Variants in TNR observed in about 807,000 individuals in gnomAD.
TNR encodes tenascin R, also known as tenascin-R.
In TNR, 45 loss-of-function variants were observed where a neutral mutation model predicts 150.4. The observed-to-expected ratio is 0.30, with a 90% CI of 0.24 to 0.38. The LOEUF (loss-of-function observed/expected upper bound fraction) is 0.38. Ranked by LOEUF, TNR falls within the 10% of genes least tolerant of loss-of-function variation. The pLI, the probability that TNR is intolerant of heterozygous loss-of-function variation, is 1.00. For missense variants in TNR, 1,544 were observed against 1,759.1 expected (o/e 0.88, Z 2.19); for synonymous variants, 687 against 678.4 (o/e 1.01, Z -0.20).
intron 2 of TNR, among the ~76,000 whole-genome samples, chr1:175,443,793 G>C (rs1305888665): frequency 1.3e-5 from 2 of 152,196 alleles, no homozygotes; most frequent in Non-Finnish European, 2.9e-5. Flanking sequence ...AATGCAAAAA[G>C]ATGGATTGTG....
At chr1:175,558,564 C>T (rs1661286628) in intron 1 of TNR, among the ~76,000 whole-genome samples, 1 of 152,168 alleles carries the variant, frequency 6.6e-6, no homozygotes, top group Admixed American at 6.5e-5. Flanking sequence ...CTATGACATA[C>T]TGCTCCAATC....
At chr1:175,378,095 G>A (rs778124750) in intron 9 of TNR, among the ~76,000 whole-genome samples, 47 of 152,192 alleles carry the variant, frequency 3.1e-4, no homozygotes, top group Non-Finnish European at 6.2e-4. Context: ...TCCAGCAGCA[G>A]CCTCCTAACC....
At chr1:175,532,095 A>T (rs2102180110) in intron 1 of TNR, among the ~76,000 whole-genome samples, 1 of 152,344 alleles carries the variant, frequency 6.6e-6, no homozygotes, top group East Asian at 1.9e-4. Flanking sequence ...TCACAGTAAC[A>T]GTTCTTTTTG....
chr1:175,685,391 A>T (rs921310656), intron 1 of TNR, among the ~76,000 whole-genome samples: 2 of 152,080 alleles, frequency 1.3e-5, no homozygotes, highest in African/African-American at 4.8e-5. Flanking sequence ...CTCATTGCAC[A>T]CTGCTGTCAG....
At chr1:175,331,099 TTCTCTC>T (rs202149296) in intron 20 of TNR, among the ~76,000 whole-genome samples, 1 of 106,428 alleles carries the variant, frequency 9.4e-6, no homozygotes, top group Non-Finnish European at 2.0e-5. Flanking sequence ...CTTTCTTTCT[TTCTCTC>T]TCTCTTTCTT....
intron 1 of TNR, among the ~76,000 whole-genome samples, chr1:175,537,156 G>T (rs1376933265): frequency 6.6e-6 from 1 of 152,210 alleles, no homozygotes; most frequent in South Asian, 2.1e-4. Flanking sequence ...GCACCCCTTG[G>T]AGAGCACTTA....
intron 2 of TNR, among the ~76,000 whole-genome samples, chr1:175,477,988 C>A (rs1408817706): frequency 6.6e-5 from 10 of 152,314 alleles, no homozygotes; most frequent in African/African-American, 2.4e-4. Context: ...TTCTGGGTGG[C>A]TCACTGCCTA....
intron 1 of TNR, among the ~76,000 whole-genome samples, chr1:175,712,908 A>G (rs1016532236): frequency 2.0e-5 from 3 of 152,314 alleles, no homozygotes; most frequent in African/African-American, 7.2e-5. Flanking sequence ...AAGAATGGCT[A>G]GTACAGGGAC....
chr1:175,403,561 G>C lies in TNR; in HGVS notation c.555C>G (p.Ser185=). The change falls in exon 4 of 23, where the codon TCC becomes TCG. Residue 185 remains serine (S), a synonymous_variant. Coordinates refer to ENST00000367674, the MANE Select transcript of TNR (RefSeq NM_003285.3). ...CSGHGNFSFE[S]CGCICNEGWF... The stretch of plus-strand genomic sequence containing the variant: ...AGCCTTCGTTGCAGATGCAGCCACA[G>C]GACTCAAAGCTAAAGTTGCCGTGGC... The C allele has an allele frequency of 1.2e-6, 2 of 1,614,168 alleles. No homozygotes were observed.
intron 7 of TNR, among the ~76,000 whole-genome samples, chr1:175,389,603 C>T (rs1000720365): frequency 2.6e-5 from 4 of 152,206 alleles, no homozygotes; most frequent in Non-Finnish European, 4.4e-5. Flanking sequence ...CAGACAATTT[C>T]CCCCAGGTCT....
At chr1:175,471,795 G>A (rs1298389352) in intron 2 of TNR, among the ~76,000 whole-genome samples, 2 of 152,010 alleles carry the variant, frequency 1.3e-5, no homozygotes, top group Non-Finnish European at 2.9e-5. Flanking sequence ...TTAGTTTACT[G>A]TAACATTTTT....
intron 1 of TNR, among the ~76,000 whole-genome samples, chr1:175,732,451 C>T (rs1667669827): frequency 6.6e-6 from 1 of 152,222 alleles, no homozygotes; most frequent in South Asian, 2.1e-4. Flanking sequence ...GGATTCTTTT[C>T]TCATCTTGAG....
chr1:175,548,855 C>T (rs1255545475), intron 1 of TNR, among the ~76,000 whole-genome samples: 1 of 152,186 alleles, frequency 6.6e-6, no homozygotes, highest in Admixed American at 6.5e-5. Context: ...GAGCAACACT[C>T]CCAATCACAT....
chr1:175,611,497 T>C (rs559441262), intron 1 of TNR, among the ~76,000 whole-genome samples: 2 of 152,170 alleles, frequency 1.3e-5, no homozygotes, highest in African/African-American at 4.8e-5. Flanking sequence ...CATGCCTGGC[T>C]AAGTTTTTAA....
intron 3 of TNR, among the ~76,000 whole-genome samples, chr1:175,403,822 C>T (rs1248653682): frequency 6.6e-6 from 1 of 152,174 alleles, no homozygotes; most frequent in East Asian, 1.9e-4. Context: ...GGGCTGGGGG[C>T]AAAGATGAAT....
chr1:175,427,539 T>C (rs1169837698), intron 2 of TNR, among the ~76,000 whole-genome samples: 1 of 152,198 alleles, frequency 6.6e-6, no homozygotes, highest in African/African-American at 2.4e-5. Context: ...GTCTACAGTG[T>C]TGGGCAGGGT....
At chr1:175,639,433 G>A (rs566410028) in intron 1 of TNR, among the ~76,000 whole-genome samples, 2 of 152,162 alleles carry the variant, frequency 1.3e-5, no homozygotes, top group Non-Finnish European at 2.9e-5. Flanking sequence ...CCACCACGGC[G>A]TGCTGAGTGC....
intron 4 of TNR, among the ~76,000 whole-genome samples, chr1:175,400,687 G>A (rs1653666134): frequency 6.6e-6 from 1 of 152,174 alleles, no homozygotes; most frequent in South Asian, 2.1e-4. Context: ...CTATAACGAA[G>A]TATATTTTGT....
chr1:175,473,487 T>A (rs1657385553), intron 2 of TNR, among the ~76,000 whole-genome samples: 2 of 152,148 alleles, frequency 1.3e-5, no homozygotes, highest in Non-Finnish European at 2.9e-5. Flanking sequence ...GCAACTCAGG[T>A]CCTCTCTTAG....
Sources: allele counts gnomAD v4.1 joint callset (sites outside exome capture counted in the v4.1 genomes callset), GRCh38; gene constraint gnomAD v4.1.1; transcripts MANE v1.5; gene names NCBI Gene and HGNC (gene_info 2026-07-23, HGNC 2026-07-21).